The following GPC6 variants were observed in gnomAD, a reference collection of about 807,000 sequenced individuals.
The protein encoded by GPC6 is glypican 6.
GPC6 carries 14 observed loss-of-function variants against 55.2 expected under a neutral mutation model. The observed-to-expected ratio is 0.25, with a 90% CI of 0.17 to 0.40. GPC6 has a LOEUF of 0.40. GPC6 is among the 10% of genes least tolerant of loss of function. The pLI is 1.00. For missense variants in GPC6, 641 were observed against 708.5 expected (o/e 0.90, Z 1.08); for synonymous variants, 278 against 259.6 (o/e 1.07, Z -0.68).
intron 1 of GPC6, among the ~76,000 whole-genome samples, chr13:93,461,393 A>G (rs907565715): frequency 1.3e-5 from 2 of 152,162 alleles, no homozygotes; most frequent in African/African-American, 4.8e-5. Context: ...AAATTTCTCA[A>G]CTTTCTAAAA....
chr13:93,393,452 T>A (rs1447817584), intron 1 of GPC6, among the ~76,000 whole-genome samples: 1 of 152,072 alleles, frequency 6.6e-6, no homozygotes, highest in Non-Finnish European at 1.5e-5. Flanking sequence ...CCAAATTTGC[T>A]ATAATTTTGT....
At chr13:93,321,242 C>A (rs996859449) in intron 1 of GPC6, among the ~76,000 whole-genome samples, 1 of 152,118 alleles carries the variant, frequency 6.6e-6, no homozygotes, top group African/African-American at 2.4e-5. Flanking sequence ...AAAACTTCAG[C>A]CTTCCCAGTG....
intron 6 of GPC6, among the ~76,000 whole-genome samples, chr13:94,352,208 G>A (rs542155922): frequency 5.3e-5 from 8 of 152,024 alleles, no homozygotes; most frequent in Non-Finnish European, 7.4e-5. Context: ...AGCAACTCAA[G>A]TCAGTGCAGG....
intron 3 of GPC6, among the ~76,000 whole-genome samples, chr13:93,990,067 T>C (rs956282142): frequency 6.6e-6 from 1 of 151,772 alleles, no homozygotes; most frequent in African/African-American, 2.4e-5. Context: ...GAAATGTACA[T>C]TTTTGGTTTA....
At chr13:94,035,405 G>A (rs1883298818) in intron 4 of GPC6, among the ~76,000 whole-genome samples, 1 of 151,994 alleles carries the variant, frequency 6.6e-6, no homozygotes, top group South Asian at 2.1e-4. Context: ...GAGATAAAAG[G>A]AACATGTGAT....
intron 2 of GPC6, among the ~76,000 whole-genome samples, chr13:93,776,099 TA>T (rs1885458608): frequency 8.1e-6 from 1 of 123,234 alleles, no homozygotes; most frequent in African/African-American, 3.2e-5. Flanking sequence ...ACATTTTTAC[TA>T]AGCACTAGCC....
rs1232923137 is a variant in GPC6, at chr13:93,625,907, T to A, written c.319+80486T>A. On this transcript the variant is annotated intron_variant, in intron 2 of 8. Transcript: ENST00000377047. ...AGGAAGTGCATTGCTGTCCTCATTG[T>A]GGGATCCTTTTCTCCTTTGTTTTAC... Among the ~76,000 whole-genome samples the A allele has an allele frequency of 2.0e-5, 3 of 152,210 alleles. No individual in the cohort carries two copies. The East Asian group carries it at 5.8e-4, about 29-fold the overall frequency.
chr13:93,793,658 G>A (rs1228848544), intron 2 of GPC6, among the ~76,000 whole-genome samples: 2 of 152,140 alleles, frequency 1.3e-5, no homozygotes, highest in Non-Finnish European at 2.9e-5. Context: ...AAAACTTTTT[G>A]TAATTCCTAA....
chr13:93,853,758 C>A (rs539662330), intron 3 of GPC6, among the ~76,000 whole-genome samples: 84 of 151,644 alleles, frequency 5.5e-4, no homozygotes, highest in African/African-American at 1.8e-3. Context: ...TTCTGAATTT[C>A]TTTACTGATG....
chr13:93,393,654 T>C (rs899293043), intron 1 of GPC6, among the ~76,000 whole-genome samples: 6 of 144,920 alleles, frequency 4.1e-5, no homozygotes, highest in Admixed American at 1.4e-4. Flanking sequence ...CTCTCTCTCT[T>C]TTTTCTTTTT....
At chr13:93,857,646 A>C (rs186202026) in intron 3 of GPC6, among the ~76,000 whole-genome samples, 4 of 151,716 alleles carry the variant, frequency 2.6e-5, no homozygotes, top group Non-Finnish European at 4.4e-5. Flanking sequence ...ATCATATGTT[A>C]TTTATAGGAC....
chr13:93,886,425 G>C (rs1484959198), intron 3 of GPC6, among the ~76,000 whole-genome samples: 3 of 151,968 alleles, frequency 2.0e-5, no homozygotes, highest in Non-Finnish European at 4.4e-5. Flanking sequence ...TCTAATGGCT[G>C]TTTCCCACTG....
intron 1 of GPC6, among the ~76,000 whole-genome samples, chr13:93,278,404 A>G (rs1030603826): frequency 6.6e-6 from 1 of 152,212 alleles, no homozygotes; most frequent in Non-Finnish European, 1.5e-5. Context: ...CTGAAACTCT[A>G]CGCCCATTAA....
At position 93,768,072 on chromosome 13, in the gene GPC6, C is replaced by T. The variant is rs576545085; in HGVS notation, c.320-62082C>T. 1.7e-4 allele frequency among the ~76,000 whole-genome samples: 26 copies of T among 152,146 alleles called. No homozygotes were observed. The South Asian group carries it at 5.2e-3, about 30-fold the overall frequency. On this transcript the variant is annotated intron_variant, in intron 2 of 8. Coordinates refer to ENST00000377047, the MANE Select transcript of GPC6 (RefSeq NM_005708.5). ...CATGTTTTTTCACATACACTTTGAT[C>T]TAGGTGGAATTTTATTATTGTAATT...
At chr13:93,344,415 T>A (rs1229196998) in intron 1 of GPC6, among the ~76,000 whole-genome samples, 1 of 152,158 alleles carries the variant, frequency 6.6e-6, no homozygotes, top group Non-Finnish European at 1.5e-5. Flanking sequence ...AACCTGTCAG[T>A]GTTTTCTTCC....
chr13:94,152,768 A>G (rs981756390), intron 4 of GPC6, among the ~76,000 whole-genome samples: 5 of 152,096 alleles, frequency 3.3e-5, no homozygotes, highest in Non-Finnish European at 7.4e-5. Context: ...ACAGTAATTT[A>G]CCCTTAGGGG....
intron 1 of GPC6, among the ~76,000 whole-genome samples, chr13:93,432,693 C>A (rs1877407273): frequency 6.6e-6 from 1 of 152,074 alleles, no homozygotes; most frequent in African/African-American, 2.4e-5. Flanking sequence ...AAAAACAAAG[C>A]ACAGTTTGCC....
chr13:93,489,133 G>C (rs905137058), intron 1 of GPC6, among the ~76,000 whole-genome samples: 2 of 151,452 alleles, frequency 1.3e-5, no homozygotes, highest in African/African-American at 4.8e-5. Flanking sequence ...AATCCATCTT[G>C]AATTAATTTT....
intron 2 of GPC6, among the ~76,000 whole-genome samples, chr13:93,667,425 T>C (rs1881183386): frequency 6.6e-6 from 1 of 151,062 alleles, no homozygotes; most frequent in Admixed American, 6.6e-5. Flanking sequence ...GCCCCTTTAC[T>C]TGAAGTTCTG....
Sources: gnomAD v4.1 joint callset for allele counts (sites outside exome capture counted in the v4.1 genomes callset) on GRCh38, gnomAD v4.1.1 for gene constraint, MANE v1.5 for transcripts, NCBI Gene and HGNC (gene_info 2026-07-23, HGNC 2026-07-21) for gene names.